Variants in AHI1 observed in about 807,000 individuals in gnomAD.
AHI1 encodes jouberin.
In AHI1, 123 loss-of-function variants were observed where a neutral mutation model predicts 149.3. The observed-to-expected ratio is 0.82, with a 90% CI of 0.71 to 0.96. The LOEUF (loss-of-function observed/expected upper bound fraction) is 0.96. AHI1 is among the 40% of genes least tolerant of loss of function. The pLI is 0.00. For synonymous variants in AHI1, 475 were observed against 459.8 expected (o/e 1.03, Z -0.42); for missense variants, 1,439 against 1,422.7 (o/e 1.01, Z -0.18).
At chr6:135,445,981 G>A (rs577068529) in intron 13 of AHI1, among the ~76,000 whole-genome samples, 15 of 152,092 alleles carry the variant, frequency 9.9e-5, no homozygotes, top group African/African-American at 2.6e-4. Context: ...GCATGAACCC[G>A]GGAGGTGGAG....
At chr6:135,475,722 G>C (rs1214082794) in intron 5 of AHI1, among the ~76,000 whole-genome samples, 1 of 152,168 alleles carries the variant, frequency 6.6e-6, no homozygotes, top group East Asian at 1.9e-4. Flanking sequence ...CTACTGGGGG[G>C]TGTACCTGAA....
chr6:135,456,748 T>C (rs1562217169), intron 9 of AHI1, among the ~76,000 whole-genome samples: 1 of 152,196 alleles, frequency 6.6e-6, no homozygotes, highest in Non-Finnish European at 1.5e-5. Context: ...GTGTATTTCA[T>C]TGTACTTTTC....
intron 5 of AHI1, among the ~76,000 whole-genome samples, chr6:135,481,514 C>G (rs1793637570): frequency 6.6e-6 from 1 of 151,824 alleles, no homozygotes; most frequent in Non-Finnish European, 1.5e-5. Context: ...GATTCTTGAC[C>G]ATTTTGGATT....
chr6:135,363,376 G>A (rs1056861627), intron 23 of AHI1, among the ~76,000 whole-genome samples: 2 of 152,204 alleles, frequency 1.3e-5, no homozygotes, highest in East Asian at 1.9e-4. Flanking sequence ...TAAGGTCACC[G>A]ATCAACAGGA....
At chr6:135,415,034 A>C (rs190456991) in intron 20 of AHI1, among the ~76,000 whole-genome samples, 1 of 138,552 alleles carries the variant, frequency 7.2e-6, no homozygotes, top group Non-Finnish European at 1.5e-5. Flanking sequence ...TCACTGTTCA[A>C]TTCCCATCTA....
At chr6:135,442,049 C>T (rs1786378070) in intron 14 of AHI1, among the ~76,000 whole-genome samples, 1 of 152,074 alleles carries the variant, frequency 6.6e-6, no homozygotes, top group Admixed American at 6.6e-5. Context: ...GTATTTAATG[C>T]TTCTAAGTCT....
intron 27 of AHI1, among the ~76,000 whole-genome samples, chr6:135,297,238 T>C (rs1340817820): frequency 6.9e-6 from 1 of 144,144 alleles, no homozygotes; most frequent in African/African-American, 3.0e-5. Flanking sequence ...GACACTCACA[T>C]TGCATTCTTC....
chr6:135,394,991 G>T, intron 22 of AHI1, 95 bp from the exon 23 acceptor site: 2 of 1,304,038 alleles, frequency 1.5e-6, no homozygotes, highest in Non-Finnish European at 2.1e-6. Flanking sequence ...ATACAAACCA[G>T]GACACATGAT....
chr6:135,306,179 A>C (rs1422711779), intron 26 of AHI1, among the ~76,000 whole-genome samples: 2 of 152,222 alleles, frequency 1.3e-5, no homozygotes, highest in African/African-American at 4.8e-5. Context: ...GTATGTGTTA[A>C]ATGAATAAAT....
chr6:135,363,284 A>G lies in AHI1; in HGVS notation c.3110-5097T>C, dbSNP rs1289621882. Among the ~76,000 whole-genome samples, 48 of 150,936 alleles carry G rather than the reference A, an allele frequency of 3.2e-4. 1 individual carries two copies. In the South Asian group the frequency reaches 9.8e-3, roughly 31 times the overall value. ...CATGCTGCCTTCAAGCATCTGTTTA[A>G]CAAAGCACATCTTGCACCGCCCTTA... On this transcript the variant is annotated intron_variant, in intron 23 of 28. Coordinates refer to ENST00000265602, the MANE Select transcript of AHI1 (RefSeq NM_001134831.2).
At chr6:135,369,105 C>T (rs1025676359) in intron 23 of AHI1, among the ~76,000 whole-genome samples, 3 of 152,360 alleles carry the variant, frequency 2.0e-5, no homozygotes, top group Middle Eastern at 3.4e-3. Flanking sequence ...CTTCCCACTG[C>T]TTCCTCTACC....
Position 135,448,707 on chromosome 6 carries a change from C to T in AHI1, c.1441-232G>A, listed in dbSNP as rs1208130176. 7.9e-5 allele frequency among the ~76,000 whole-genome samples: 12 copies of T among 152,290 alleles called. No homozygotes were observed. In the South Asian group the frequency reaches 2.5e-3, roughly 32 times the overall value. On this transcript the variant is annotated intron_variant, in intron 11 of 28. Transcript: ENST00000265602. ...TATTTTCCTGATAGCTCTCTTTTCA[C>T]GTGTACAACAATTTCAGACTGTCGG...
chr6:135,424,825 T>C (rs1003071688), intron 20 of AHI1, among the ~76,000 whole-genome samples: 5 of 151,968 alleles, frequency 3.3e-5, no homozygotes, highest in Admixed American at 2.0e-4. Context: ...TAATTTTTTT[T>C]AAACACCACT....
chr6:135,308,167 C>T (rs1562472635), intron 26 of AHI1, among the ~76,000 whole-genome samples: 1 of 152,166 alleles, frequency 6.6e-6, no homozygotes, highest in Non-Finnish European at 1.5e-5. Context: ...GAAGTTCTCT[C>T]AATAACATCT....
At chr6:135,316,156 T>C (rs529331504) in intron 26 of AHI1, among the ~76,000 whole-genome samples, 5 of 152,174 alleles carry the variant, frequency 3.3e-5, no homozygotes, top group Non-Finnish European at 7.3e-5. Flanking sequence ...TGTCAACCTG[T>C]CTTTCCAATA....
intron 23 of AHI1, among the ~76,000 whole-genome samples, chr6:135,372,934 G>C (rs1390153196): frequency 2.6e-5 from 4 of 152,070 alleles, no homozygotes; most frequent in African/African-American, 4.8e-5. Flanking sequence ...TAACCCAAAT[G>C]CTTAAAATAC....
intron 24 of AHI1, among the ~76,000 whole-genome samples, chr6:135,328,688 T>G (rs144592195): frequency 1.3e-5 from 2 of 152,064 alleles, no homozygotes; most frequent in Non-Finnish European, 2.9e-5. Context: ...AGTGTTCAAA[T>G]GAAAAGAGTT....
intron 22 of AHI1, among the ~76,000 whole-genome samples, chr6:135,404,298 C>T (rs2128497615): frequency 6.6e-6 from 1 of 152,312 alleles, no homozygotes; most frequent in African/African-American, 2.4e-5. Flanking sequence ...AGGAAAGCTG[C>T]TGTGTTGAAA....
chr6:135,358,505 T>C (rs768424064), intron 23 of AHI1, among the ~76,000 whole-genome samples: 11 of 152,208 alleles, frequency 7.2e-5, no homozygotes, highest in Non-Finnish European at 1.6e-4. Context: ...TTTTCTTCCA[T>C]GAAAGTTTTA....
Sources: gnomAD v4.1 joint callset for allele counts (sites outside exome capture counted in the v4.1 genomes callset) on GRCh38, gnomAD v4.1.1 for gene constraint, MANE v1.5 for transcripts, NCBI Gene and HGNC (gene_info 2026-07-23, HGNC 2026-07-21) for gene names.